DCDC1: variants seen among roughly 807,000 people sequenced by gnomAD.
DCDC1 encodes the protein doublecortin domain containing 1.
A neutral mutation model predicts 178.3 loss-of-function variants in DCDC1; 200 were observed. The observed-to-expected ratio is 1.12, with a 90% confidence interval of 1.00 to 1.26. The LOEUF (loss-of-function observed/expected upper bound fraction) is 1.26, where lower values mean the gene tolerates loss of function less well. Among genes scored for constraint, DCDC1 ranks in the 50% most tolerant of loss-of-function variants. The pLI is 0.00. For missense variants in DCDC1, 1,983 were observed against 1,749.2 expected (o/e 1.13, Z -2.38); for synonymous variants, 690 against 604.8 (o/e 1.14, Z -2.07).
At chr11:31,042,492 C>T (rs1345535831) in intron 20 of DCDC1, among the ~76,000 whole-genome samples, 1 of 151,964 alleles carries the variant, frequency 6.6e-6, no homozygotes, top group African/African-American at 2.4e-5. Flanking sequence ...TGAATGGGTC[C>T]AAGTCTTCCC....
At position 30,878,529 on chromosome 11, in the gene DCDC1, T is replaced by A. The variant is rs1395195340; in HGVS notation, c.*40+15A>T. ...TAATGTCATAACAAACATGAGTATG[T>A]GCACATAGCTATACCAGAAAAATAC... On this transcript the variant is annotated intron_variant, in intron 38 of 38. Transcript: ENST00000684477. The A allele has an allele frequency of 7.3e-6, 11 of 1,514,668 alleles. No individual in the cohort carries two copies. The Admixed American group carries it at 2.6e-4, about 35-fold the overall frequency. 93.8% of individuals were successfully genotyped at this position (1,514,668 alleles called of 1,614,324 possible).
chr11:30,935,099 G>A (rs1040637637), intron 21 of DCDC1, among the ~76,000 whole-genome samples: 1 of 152,140 alleles, frequency 6.6e-6, no homozygotes, highest in African/African-American at 2.4e-5. Flanking sequence ...ATTGTCAATG[G>A]TGATAAGTAT....
chr11:30,877,527 A>G (rs891957851), intron 38 of DCDC1, among the ~76,000 whole-genome samples: 4 of 152,154 alleles, frequency 2.6e-5, no homozygotes, highest in Admixed American at 6.6e-5. Context: ...TCAAAAAATA[A>G]ACCTTCCATA....
intron 1 of DCDC1, among the ~76,000 whole-genome samples, chr11:31,344,717 C>A (rs945213709): frequency 3.9e-5 from 6 of 152,122 alleles, no homozygotes; most frequent in Non-Finnish European, 7.4e-5. Context: ...CATGCAAGTG[C>A]GGATAGTTGT....
chr11:31,244,414 T>C (rs1279884917), intron 8 of DCDC1, among the ~76,000 whole-genome samples: 2 of 151,730 alleles, frequency 1.3e-5, no homozygotes, highest in Admixed American at 1.3e-4. Flanking sequence ...TCCCTTATTA[T>C]TTTTGTGTCC....
chr11:30,867,346 T>C (rs959825162), intron 38 of DCDC1, among the ~76,000 whole-genome samples: 2 of 152,236 alleles, frequency 1.3e-5, no homozygotes, highest in African/African-American at 2.4e-5. Context: ...GATATTTCAC[T>C]TCTTGAAAGC....
In DCDC1 at chr11:31,028,511, A is replaced by T. The variant is rs1308972701; in HGVS notation, c.2591+35958T>A. ...CATTTGAATATAGTAATTATTTAGT[A>T]GCCTTTAAACCATTCCTGTTTTCAT... On this transcript the variant is annotated intron_variant, in intron 20 of 38. Coordinates refer to ENST00000684477, the MANE Select transcript of DCDC1 (RefSeq NM_001387274.1). 2.0e-5 allele frequency among the ~76,000 whole-genome samples: 3 copies of T among 151,956 alleles called. No homozygotes were observed. In the East Asian group the frequency reaches 5.8e-4, roughly 29 times the overall value.
In DCDC1 at chr11:31,316,314, CTGT is replaced by C. The variant is rs1206377028; in HGVS notation, c.165-8409_165-8407del. Among the ~76,000 whole-genome samples the C allele has an allele frequency of 1.3e-3, 164 of 128,330 alleles. 1 individual carries two copies. The Middle Eastern group carries it at 0.021, about 17-fold the overall frequency. 84.2% of individuals were successfully genotyped at this position (128,330 alleles called of 152,430 possible). On this transcript the variant is annotated intron_variant, in intron 3 of 38. Transcript: ENST00000684477. Reference sequence around the variant, plus strand: ...TATTTCTCCACATCCTCTCCAGCACCTGTTGTTTCCTGACTTTGTAATGATTGC... The same window carrying C: ...TATTTCTCCACATCCTCTCCAGCACCTGTTTCCTGACTTTGTAATGATTGC...
intron 9 of DCDC1, among the ~76,000 whole-genome samples, chr11:31,160,517 T>A (rs1261862419): frequency 6.6e-6 from 1 of 152,176 alleles, no homozygotes; most frequent in Non-Finnish European, 1.5e-5. Flanking sequence ...AATGAAAAAT[T>A]TCATCCCTTT....
chr11:31,075,220 T>G (rs1482768211), intron 18 of DCDC1, among the ~76,000 whole-genome samples: 1 of 152,196 alleles, frequency 6.6e-6, no homozygotes, highest in Non-Finnish European at 1.5e-5. Flanking sequence ...GCAAAATATA[T>G]TATTTCATTC....
intron 38 of DCDC1, among the ~76,000 whole-genome samples, chr11:30,871,350 G>A (rs1046385564): frequency 1.3e-5 from 2 of 152,062 alleles, no homozygotes; most frequent in Non-Finnish European, 1.5e-5. Flanking sequence ...ACAGGCATGC[G>A]TCTTGAACAG....
intron 20 of DCDC1, among the ~76,000 whole-genome samples, chr11:31,009,461 TG>T (rs1228044604): frequency 1.3e-5 from 2 of 151,580 alleles, no homozygotes; most frequent in African/African-American, 4.9e-5. Context: ...TGTGTGTGTG[TG>T]TGTGTGTGTG....
At chr11:31,241,818 G>T (rs544128043) in intron 8 of DCDC1, 4 of 343,240 alleles carry the variant, frequency 1.2e-5, no homozygotes, top group Admixed American at 9.4e-5. Context: ...CCCCATGCAA[G>T]ACTCATAAGC....
intron 9 of DCDC1, among the ~76,000 whole-genome samples, chr11:31,224,736 A>T (rs979000441): frequency 2.3e-4 from 35 of 152,116 alleles, no homozygotes; most frequent in Non-Finnish European, 3.7e-4. Flanking sequence ...ATATACAAAC[A>T]GCCAGCAAAC....
At chr11:30,892,785 G>A (rs1943895873) in intron 36 of DCDC1, 33 bp downstream of exon 36, 1 of 1,611,216 alleles carries the variant, frequency 6.2e-7, no homozygotes, top group Non-Finnish European at 8.5e-7. Flanking sequence ...TCAAACTCAG[G>A]CCTATGAAAC....
At chr11:30,968,925 CTAAG>C (rs886197669) in intron 20 of DCDC1, among the ~76,000 whole-genome samples, 2 of 151,444 alleles carry the variant, frequency 1.3e-5, no homozygotes, top group South Asian at 2.1e-4. Flanking sequence ...TCCTTTACTT[CTAAG>C]TAAGAGATCA....
At position 31,307,776 on chromosome 11, in the gene DCDC1, T is replaced by C. The variant is rs1948552123; in HGVS notation, c.297A>G (p.Thr99=). Residue 99 remains threonine, a synonymous_variant, in exon 4 of 39, where the codon ACA becomes ACG. Transcript: ENST00000684477. ...SEGSGLQDCS[T]HQTASDHSHD... is the part of the protein sequence containing the mutation. Reference sequence around the variant, plus strand: ...GGCTGTGATCTGATGCTGTTTGATGTGTGGAGCAATCTTGAAGTCCTGACC... The same window carrying C: ...GGCTGTGATCTGATGCTGTTTGATGCGTGGAGCAATCTTGAAGTCCTGACC... The C allele has an allele frequency of 4.3e-6, 7 of 1,614,102 alleles. No individual in the cohort carries two copies. The highest frequency in any genetic ancestry group is 5.1e-6 in the Non-Finnish European group (6 of 1,179,998).
chr11:31,242,183 T>C (rs1173205316), intron 8 of DCDC1, among the ~76,000 whole-genome samples: 1 of 151,970 alleles, frequency 6.6e-6, no homozygotes, highest in African/African-American at 2.4e-5. Flanking sequence ...ACAAGCATTT[T>C]ATCATACCTT....
chr11:31,168,242 C>T (rs1040622119), intron 9 of DCDC1, among the ~76,000 whole-genome samples: 1 of 152,146 alleles, frequency 6.6e-6, no homozygotes, highest in South Asian at 2.1e-4. Flanking sequence ...ACAATTAGCA[C>T]CTCACTATAT....
Sources: allele counts gnomAD v4.1 joint callset (sites outside exome capture counted in the v4.1 genomes callset), GRCh38; gene constraint gnomAD v4.1.1; transcripts MANE v1.5; gene names NCBI Gene and HGNC (gene_info 2026-07-23, HGNC 2026-07-21).